The following FHIT variants were observed in gnomAD, a reference collection of about 807,000 sequenced individuals.
FHIT encodes fragile histidine triad diadenosine triphosphatase.
A neutral mutation model predicts 17.9 loss-of-function variants in FHIT; 19 were observed. The ratio of observed to expected loss-of-function variants is 1.06; its 90% CI spans 0.74 to 1.56. FHIT has a LOEUF of 1.56. Ranked by LOEUF, FHIT falls within the 40% of genes most tolerant of loss-of-function variation. The pLI is 0.00. For synonymous variants in FHIT, 81 were observed against 69.7 expected, an observed-to-expected ratio of 1.16 and a Z score of -0.81; for missense variants, 248 against 189.2, an observed-to-expected ratio of 1.31 and a Z score of -1.82.
At chr3:61,139,949 G>C (rs569813686) in intron 2 of FHIT, among the ~76,000 whole-genome samples, 1 of 148,554 alleles carries the variant, frequency 6.7e-6, no homozygotes, top group African/African-American at 2.5e-5. Context: ...ACAGATCAAA[G>C]ACAACCTAAG....
intron 5 of FHIT, among the ~76,000 whole-genome samples, chr3:60,396,777 T>A (rs78834371): frequency 2.4e-4 from 37 of 152,304 alleles, no homozygotes; most frequent in African/African-American, 8.2e-4. Context: ...CTTAAAATGA[T>A]TAATTTTCTA....
rs111949436 is a variant in FHIT at position 60,522,809 on chromosome 3, T to C, written c.103+14051A>G. On this transcript the variant is annotated intron_variant, in intron 5 of 9. Transcript: ENST00000492590. ...TTTTACCTCAAGAATTGATGCTCTTTCCTTATTTAGGTTGGTGATAGAAAG... is the reference window on the plus strand; with the variant it reads ...TTTTACCTCAAGAATTGATGCTCTTCCCTTATTTAGGTTGGTGATAGAAAG... 5.7e-3 allele frequency among the ~76,000 whole-genome samples: 873 copies of C among 152,290 alleles called. 4 individuals carry two copies. Among genetic ancestry groups the C allele is most frequent in the African/African-American group, 0.02 (833 of 41,550 alleles).
intron 5 of FHIT, among the ~76,000 whole-genome samples, chr3:60,135,051 G>C (rs7638091): frequency 2.6e-5 from 4 of 152,144 alleles, no homozygotes; most frequent in Non-Finnish European, 5.9e-5. Flanking sequence ...ATCTAGCTGA[G>C]AATGGAGGAG....
intron 3 of FHIT, among the ~76,000 whole-genome samples, chr3:60,956,703 A>G (rs1709179464): frequency 6.6e-6 from 1 of 152,236 alleles, no homozygotes; most frequent in Non-Finnish European, 1.5e-5. Context: ...AATTAAAAGT[A>G]TGATGCTGAC....
chr3:60,494,573 T>C (rs1432908617), intron 5 of FHIT, among the ~76,000 whole-genome samples: 1 of 152,094 alleles, frequency 6.6e-6, no homozygotes, highest in Admixed American at 6.6e-5. Flanking sequence ...TCATGTTTTC[T>C]ATTTTTTTGT....
At chr3:60,089,879 G>A (rs1703657663) in intron 5 of FHIT, among the ~76,000 whole-genome samples, 1 of 152,076 alleles carries the variant, frequency 6.6e-6, no homozygotes, top group African/African-American at 2.4e-5. Flanking sequence ...GCAATTTGGA[G>A]GAGACACAAA....
At chr3:60,955,384 C>T (rs546233885) in intron 3 of FHIT, among the ~76,000 whole-genome samples, 1 of 151,956 alleles carries the variant, frequency 6.6e-6, no homozygotes. Context: ...CCCCTTAGTT[C>T]TGGGGTGAAT....
chr3:61,016,867 C>G (rs2032139334), intron 3 of FHIT, among the ~76,000 whole-genome samples: 1 of 152,228 alleles, frequency 6.6e-6, no homozygotes, highest in Admixed American at 6.5e-5. Flanking sequence ...AACAGGAACA[C>G]AGACAGAAAT....
At chr3:61,213,870 T>G (rs375059304) in intron 1 of FHIT, among the ~76,000 whole-genome samples, 3 of 152,054 alleles carry the variant, frequency 2.0e-5, no homozygotes, top group Non-Finnish European at 4.4e-5. Flanking sequence ...AACCGCTCAA[T>G]TACATGGAAA....
chr3:61,162,356 A>G (rs73095023), intron 2 of FHIT, among the ~76,000 whole-genome samples: 7,910 of 152,196 alleles, frequency 0.052, 245 homozygotes, highest in Middle Eastern at 0.12. Flanking sequence ...GCTTCCTACC[A>G]GGAGAAGGAA....
chr3:60,201,848 G>A (rs1324467080), intron 5 of FHIT, among the ~76,000 whole-genome samples: 3 of 147,846 alleles, frequency 2.0e-5, no homozygotes, highest in African/African-American at 2.5e-5. Flanking sequence ...GTCTCAGGGA[G>A]AAAAAAAAAA....
At chr3:60,898,422 T>G (rs1019044593) in intron 3 of FHIT, among the ~76,000 whole-genome samples, 1 of 152,214 alleles carries the variant, frequency 6.6e-6, no homozygotes, top group Non-Finnish European at 1.5e-5. Context: ...TTCAGGGTTT[T>G]GATATACGTG....
intron 5 of FHIT, among the ~76,000 whole-genome samples, chr3:60,295,388 G>A (rs1429593852): frequency 6.6e-6 from 1 of 152,116 alleles, no homozygotes; most frequent in Non-Finnish European, 1.5e-5. Context: ...GAGAACCTCA[G>A]GAAGCTCCCA....
intron 4 of FHIT, among the ~76,000 whole-genome samples, chr3:60,650,980 T>C (rs2039976159): frequency 6.6e-6 from 1 of 152,116 alleles, no homozygotes; most frequent in Non-Finnish European, 1.5e-5. Flanking sequence ...TTCATATATA[T>C]ACCATTTCCA....
chr3:60,148,424 T>C (rs1406602984), intron 5 of FHIT, among the ~76,000 whole-genome samples: 1 of 152,252 alleles, frequency 6.6e-6, no homozygotes. Context: ...TGGGAGAATC[T>C]GTATAGTATT....
At chr3:60,118,127 G>A (rs1017596354) in intron 5 of FHIT, among the ~76,000 whole-genome samples, 4 of 152,144 alleles carry the variant, frequency 2.6e-5, no homozygotes, top group Non-Finnish European at 5.9e-5. Context: ...ATTTTTTAGA[G>A]ACAGGGTCTT....
chr3:60,852,009 C>T (rs1365104267), intron 3 of FHIT, among the ~76,000 whole-genome samples: 2 of 152,004 alleles, frequency 1.3e-5, no homozygotes, highest in South Asian at 2.1e-4. Flanking sequence ...AACTTTATTC[C>T]GAGTATGGCT....
At chr3:60,131,060 T>TATAC (rs1699572213) in intron 5 of FHIT, among the ~76,000 whole-genome samples, 1 of 60,370 alleles carries the variant, frequency 1.7e-5, no homozygotes, top group Non-Finnish European at 3.0e-5. Flanking sequence ...TATACATACA[T>TATAC]ACACATGTAT....
chr3:60,960,914 G>A (rs1001723275), intron 3 of FHIT, among the ~76,000 whole-genome samples: 30 of 152,190 alleles, frequency 2.0e-4, no homozygotes, highest in African/African-American at 7.2e-4. Flanking sequence ...TGTCTTTATA[G>A]CAGCATGATT....
Sources: allele counts gnomAD v4.1 joint callset (sites outside exome capture counted in the v4.1 genomes callset), GRCh38; gene constraint gnomAD v4.1.1; transcripts MANE v1.5; gene names NCBI Gene and HGNC (gene_info 2026-07-23, HGNC 2026-07-21).